TTL: variants seen among roughly 807,000 people sequenced by gnomAD.
TTL encodes tubulin tyrosine ligase, also known as tubulin--tyrosine ligase.
TTL carries 10 observed loss-of-function variants against 41.1 expected under a neutral mutation model. That is an observed-to-expected ratio of 0.24 (90% CI 0.15 to 0.41). The LOEUF (loss-of-function observed/expected upper bound fraction) is 0.41, where lower values mean the gene tolerates loss of function less well. Ranked by LOEUF, TTL falls within the 10% of genes least tolerant of loss-of-function variation. The pLI, the probability that TTL is intolerant of heterozygous loss-of-function variation, is 1.00. For synonymous variants in TTL, 175 were observed against 175.5 expected (o/e 1.00, Z 0.02); for missense variants, 367 against 460.4 (o/e 0.80, Z 1.86).
At chr2:112,509,645 G>C (rs940691142) in intron 5 of TTL, among the ~76,000 whole-genome samples, 1 of 152,142 alleles carries the variant, frequency 6.6e-6, no homozygotes, top group Non-Finnish European at 1.5e-5. Context: ...CGCTTCCCAG[G>C]TGAGGCAATG....
rs150330482 is a variant in TTL at position 112,487,444 on chromosome 2, A to G, written c.236+1449A>G. On this transcript the variant is annotated intron_variant, in intron 2 of 6. Transcript: ENST00000233336. ...ATTATTCACTTAGAAATTCTTATTA[A>G]ATATTTATTAAACCTCTTCTGCTAC... 2.5e-3 allele frequency among the ~76,000 whole-genome samples: 378 copies of G among 152,356 alleles called. 3 individuals are homozygous for G. Among genetic ancestry groups the G allele is most frequent in the African/African-American group, 8.6e-3 (359 of 41,584 alleles).
chr2:112,521,391 C>T (rs887421045), intron 6 of TTL: 6 of 983,170 alleles, frequency 6.1e-6, no homozygotes, highest in South Asian at 4.7e-5. Flanking sequence ...GAAAGTCACT[C>T]GGACTCAATT....
chr2:112,489,724 TG>T (rs1218496818), intron 2 of TTL, among the ~76,000 whole-genome samples: 1 of 152,242 alleles, frequency 6.6e-6, no homozygotes, highest in African/African-American at 2.4e-5. Context: ...CTTATGAAGT[TG>T]GAACATAAAT....
rs945404834 is a variant in TTL, at chr2:112,486,126, A to G, written c.236+131A>G. ...AAATATCAGTTCAGAAGCTTCCTCT[A>G]AGCCGCTTTGGTTGCGGTCCAAAAC... On this transcript the variant is annotated intron_variant, in intron 2 of 6. Coordinates refer to ENST00000233336, the MANE Select transcript of TTL (RefSeq NM_153712.5). 5.6e-5 allele frequency: 50 copies of G among 890,768 alleles called. No homozygotes were observed. In the Admixed American group the frequency reaches 1.2e-3, roughly 22 times the overall value. The allele number at this position is 890,768 out of a possible 1,614,324, so 55.2% of individuals were successfully genotyped here.
chr2:112,520,531 C>T, intron 6 of TTL, 106 bp downstream of exon 6: 1 of 1,460,862 alleles, frequency 6.8e-7, no homozygotes, highest in Non-Finnish European at 9.3e-7. Flanking sequence ...AGGGAGGATG[C>T]CACAGTGATA....
intron 5 of TTL, among the ~76,000 whole-genome samples, chr2:112,518,645 C>T (rs1411721754): frequency 4.6e-5 from 7 of 150,864 alleles, no homozygotes; most frequent in African/African-American, 1.2e-4. Context: ...GTCACATGGA[C>T]GACAGTTCCC....
intron 3 of TTL, among the ~76,000 whole-genome samples, chr2:112,495,679 C>T (rs1203876600): frequency 6.6e-6 from 1 of 152,118 alleles, no homozygotes. Context: ...AACCCCGTCT[C>T]TACTAAAAAT....
chr2:112,496,821 A>G (rs1283672826), intron 3 of TTL, among the ~76,000 whole-genome samples: 2 of 146,156 alleles, frequency 1.4e-5, no homozygotes, highest in Non-Finnish European at 3.0e-5. Flanking sequence ...GATCCTCCCA[A>G]CTCAACCTCT....
chr2:112,528,017 A>G (rs1407216414), intron 6 of TTL, among the ~76,000 whole-genome samples: 1 of 152,180 alleles, frequency 6.6e-6, no homozygotes, highest in Admixed American at 6.5e-5. Flanking sequence ...GGTGGTGACA[A>G]AATTTCTTAG....
At chr2:112,495,600 C>T (rs978875949) in intron 3 of TTL, among the ~76,000 whole-genome samples, 10 of 152,226 alleles carry the variant, frequency 6.6e-5, no homozygotes, top group African/African-American at 2.2e-4. Flanking sequence ...GTAACCCCAT[C>T]GCTTTGGGAA....
intron 5 of TTL, among the ~76,000 whole-genome samples, chr2:112,514,240 G>T (rs567723342): frequency 6.6e-6 from 1 of 152,128 alleles, no homozygotes; most frequent in South Asian, 2.1e-4. Flanking sequence ...AAATTAGCTG[G>T]GCATGGTGGT....
Position 112,531,846 on chromosome 2 carries a change from T to C in TTL, c.*3051T>C, listed in dbSNP as rs990687204. The C allele has an allele frequency of 9.0e-6, 2 of 222,756 alleles. No homozygotes were observed. The highest frequency in any genetic ancestry group is 1.8e-5 in the Non-Finnish European group (2 of 111,542). 13.8% of individuals were successfully genotyped at this position (222,756 alleles called of 1,614,324 possible). ...TCAAACATGCTTTCATTTACATAAA[T>C]AGTTTATGAAGCTTTGACAACAAAT... On this transcript the variant is annotated 3_prime_UTR_variant, in exon 7 of 7. Coordinates refer to ENST00000233336, the MANE Select transcript of TTL (RefSeq NM_153712.5).
chr2:112,534,805 G>A lies in TTL; in HGVS notation c.*6010G>A, dbSNP rs960910251. ...GCTTCAACCTATTCCTAAGAATGCA[G>A]AAGGCCACACACATGTGTAGGACTG... On this transcript the variant is annotated 3_prime_UTR_variant, in exon 7 of 7. Transcript: ENST00000233336. 5.3e-5 allele frequency: 8 copies of A among 152,196 alleles called. No individual in the cohort carries two copies. The highest frequency in any genetic ancestry group is 1.2e-4 in the Non-Finnish European group (8 of 68,050). 9.4% of individuals were successfully genotyped at this position (152,196 alleles called of 1,614,324 possible). A position where few individuals can be genotyped will look rare whatever the true frequency, so the allele number is the denominator to read the frequency against.
chr2:112,509,791 A>G (rs1312400611), intron 5 of TTL, among the ~76,000 whole-genome samples: 2 of 152,142 alleles, frequency 1.3e-5, no homozygotes, highest in Non-Finnish European at 2.9e-5. Context: ...TGCGTCGCTC[A>G]CGCTGGGAGC....
intron 2 of TTL, among the ~76,000 whole-genome samples, chr2:112,489,838 T>C (rs1360278249): frequency 1.3e-5 from 2 of 152,188 alleles, no homozygotes; most frequent in Non-Finnish European, 1.5e-5. Context: ...GATGAGAAAA[T>C]GCAAATGGCA....
At chr2:112,493,719 G>A (rs911056541) in intron 2 of TTL, among the ~76,000 whole-genome samples, 4 of 152,134 alleles carry the variant, frequency 2.6e-5, no homozygotes, top group African/African-American at 9.7e-5. Context: ...AGATTCCTAC[G>A]TAGCCTTTTC....
At position 112,497,616 on chromosome 2, in the gene TTL, CAT is replaced by C. The variant is rs551487494; in HGVS notation, c.469+3242_469+3243del. 1.9e-4 allele frequency among the ~76,000 whole-genome samples: 29 copies of C among 151,802 alleles called. No individual in the cohort carries two copies. In the South Asian group the frequency reaches 4.2e-3, roughly 22 times the overall value. ...CTAAGGGAGATGAAACAGCATGAGT[CAT>C]GTGTGTAGGGGAAGAGAATAAGGGA... On this transcript the variant is annotated intron_variant, in intron 3 of 6. Coordinates refer to ENST00000233336, the MANE Select transcript of TTL (RefSeq NM_153712.5).
chr2:112,529,154 G>A lies in TTL; in HGVS notation c.*359G>A. Reference sequence around the variant, plus strand: ...TAGTGCCTTAGCTCCATGCCCGGCTGCAGCCCCACTGCTCTGGACTATGGA... The same window carrying A: ...TAGTGCCTTAGCTCCATGCCCGGCTACAGCCCCACTGCTCTGGACTATGGA... On this transcript the variant is annotated 3_prime_UTR_variant, in exon 7 of 7. Transcript: ENST00000233336. The A allele has an allele frequency of 5.2e-6, 2 of 384,440 alleles. No homozygotes were observed. The highest frequency in any genetic ancestry group is 4.2e-5 in the East Asian group (1 of 23,686). 23.8% of individuals were successfully genotyped at this position (384,440 alleles called of 1,614,324 possible). A position where few individuals can be genotyped will look rare whatever the true frequency, so the allele number is the denominator to read the frequency against.
At chr2:112,503,751 C>T (rs1000747652) in intron 5 of TTL, among the ~76,000 whole-genome samples, 2 of 142,968 alleles carry the variant, frequency 1.4e-5, no homozygotes, top group African/African-American at 2.6e-5. Context: ...GCATTCAACA[C>T]GTTGATGAAA....
Sources: allele counts gnomAD v4.1 joint callset (sites outside exome capture counted in the v4.1 genomes callset), GRCh38; gene constraint gnomAD v4.1.1; transcripts MANE v1.5; gene names NCBI Gene and HGNC (gene_info 2026-07-23, HGNC 2026-07-21).